Variants in HDHD2 observed in about 807,000 individuals in gnomAD.
HDHD2 encodes haloacid dehalogenase like hydrolase domain containing 2.
A neutral mutation model predicts 24.8 loss-of-function variants in HDHD2; 26 were observed. The observed-to-expected ratio is 1.05, with a 90% CI of 0.77 to 1.45. The LOEUF is 1.45. HDHD2 is among the 40% of genes most tolerant of loss of function. The probability of loss-of-function intolerance (pLI) is 0.00; values close to 1 mark genes in which losing one functional copy is unlikely to be tolerated. For missense variants in HDHD2, 299 were observed against 313.4 expected (o/e 0.95, Z 0.35); for synonymous variants, 128 against 114.9 (o/e 1.11, Z -0.73).
Position 47,150,497 on chromosome 18 carries a change from A to G in HDHD2, c.-130T>C, listed in dbSNP as rs1192313652. The G allele has an allele frequency of 6.6e-6, 1 of 152,236 alleles. No homozygotes were observed. The highest frequency in any genetic ancestry group is 2.4e-5 in the African/African-American group (1 of 41,460). 9.4% of individuals were successfully genotyped at this position (152,236 alleles called of 1,614,324 possible). A position where few individuals can be genotyped will look rare whatever the true frequency, so the allele number is the denominator to read the frequency against. ...CCGCTGCTGCCCGACGGACGCCGGA[A>G]GTTGGGCCCTGGCCGCGCCGGAAGC... is the stretch of plus-strand genomic sequence containing the variant. On this transcript the variant is annotated 5_prime_UTR_variant, in exon 1 of 7. Coordinates refer to ENST00000300605, the MANE Select transcript of HDHD2 (RefSeq NM_032124.5).
chr18:47,115,042 G>T, intron 5 of HDHD2, 90 bp downstream of exon 5: 1 of 866,626 alleles, frequency 1.2e-6, no homozygotes, highest in Non-Finnish European at 1.9e-6. Flanking sequence ...GTCAGTAACA[G>T]AATGTCCCCT....
At chr18:47,149,760 C>A (rs2063911118) in intron 1 of HDHD2, among the ~76,000 whole-genome samples, 1 of 152,182 alleles carries the variant, frequency 6.6e-6, no homozygotes, top group Admixed American at 6.5e-5. Flanking sequence ...CTAGGAGCCA[C>A]CTGTGGTCCT....
intron 4 of HDHD2, among the ~76,000 whole-genome samples, chr18:47,129,407 A>G (rs1202911831): frequency 6.6e-6 from 1 of 152,036 alleles, no homozygotes; most frequent in Non-Finnish European, 1.5e-5. Flanking sequence ...TGAATATCCC[A>G]TAGACCAAAC....
intron 3 of HDHD2, among the ~76,000 whole-genome samples, chr18:47,131,516 T>A (rs564950217): frequency 6.6e-6 from 1 of 152,208 alleles, no homozygotes; most frequent in African/African-American, 2.4e-5. Context: ...GAATTGACAG[T>A]AGATACCACA....
Position 47,115,180 on chromosome 18 carries a change from T to C in HDHD2, c.564A>G (p.Ala188=), listed in dbSNP as rs1347779043. Residue 188 remains alanine (A), a synonymous_variant, in exon 5 of 7, where the codon GCA becomes GCG. Transcript: ENST00000300605. ...GKPEKTFFLE[A]LRGTGCEPEE... ...CAGGTTCACAGCCAGTGCCCCGCAA[T>C]GCTTCCAAAAAGAACGTCTTCTCTG... is the stretch of plus-strand genomic sequence containing the variant. 2 of 1,613,788 alleles carry C rather than the reference T, an allele frequency of 1.2e-6. No individual in the cohort carries two copies. The highest frequency in any genetic ancestry group is 1.3e-5 in the African/African-American group (1 of 74,906).
intron 1 of HDHD2, among the ~76,000 whole-genome samples, chr18:47,143,289 T>TA (rs1466115799): frequency 6.6e-5 from 10 of 151,990 alleles, no homozygotes; most frequent in African/African-American, 2.4e-4. Flanking sequence ...CCCATCTCTA[T>TA]AAAAAATAAA....
Position 47,132,382 on chromosome 18 carries a change from T to C in HDHD2, c.311-2054A>G, listed in dbSNP as rs568558072. Among the ~76,000 whole-genome samples, 4 of 152,340 alleles carry C rather than the reference T, an allele frequency of 2.6e-5. No homozygotes were observed. In the East Asian group the frequency reaches 7.7e-4, roughly 29 times the overall value. Reference sequence around the variant, plus strand: ...TGGGTTGTTTCCAATCTTTCGTTATTACAAATAAGGTAGTAATGAATAACC... The same window carrying C: ...TGGGTTGTTTCCAATCTTTCGTTATCACAAATAAGGTAGTAATGAATAACC... On this transcript the variant is annotated intron_variant, in intron 3 of 6. Coordinates refer to ENST00000300605, the MANE Select transcript of HDHD2 (RefSeq NM_032124.5).
intron 3 of HDHD2, among the ~76,000 whole-genome samples, chr18:47,133,917 T>C (rs1175134715): frequency 6.6e-6 from 1 of 152,222 alleles, no homozygotes; most frequent in Non-Finnish European, 1.5e-5. Flanking sequence ...TTTCTCCCAT[T>C]CTGTAGGTTG....
In HDHD2 at chr18:47,108,322, A is replaced by C; in HGVS notation, c.*360T>G. ...TAAAAACCACCATTCAACTTTCTTC[A>C]CAGTCTGAAATCCCCCCTCCCTGTT... On this transcript the variant is annotated 3_prime_UTR_variant, in exon 7 of 7. Coordinates refer to ENST00000300605, the MANE Select transcript of HDHD2 (RefSeq NM_032124.5). The C allele has an allele frequency of 5.5e-6, 1 of 182,504 alleles. No homozygotes were observed. The highest frequency in any genetic ancestry group is 1.1e-5 in the Non-Finnish European group (1 of 88,612). The allele number at this position is 182,504 out of a possible 1,614,324, so 11.3% of individuals were successfully genotyped here. A position where few individuals can be genotyped will look rare whatever the true frequency, so the allele number is the denominator to read the frequency against.
intron 3 of HDHD2, among the ~76,000 whole-genome samples, chr18:47,134,190 A>C (rs1437743244): frequency 2.6e-5 from 4 of 152,208 alleles, no homozygotes; most frequent in Non-Finnish European, 5.9e-5. Flanking sequence ...ACAGCATCAT[A>C]ATCAAACAAT....
chr18:47,119,037 A>C (rs2063580975), intron 4 of HDHD2, among the ~76,000 whole-genome samples: 1 of 152,262 alleles, frequency 6.6e-6, no homozygotes, highest in Admixed American at 6.5e-5. Flanking sequence ...TCTAAAAAAA[A>C]GTATGTGTGT....
rs73954232 is a variant in HDHD2, at chr18:47,107,729, G to C, written c.*953C>G. 117 of 152,652 alleles carry C rather than the reference G, an allele frequency of 7.7e-4. No homozygotes were observed. Among genetic ancestry groups the C allele is most frequent in the African/African-American group, 2.7e-3 (111 of 41,530 alleles). The allele number at this position is 152,652 out of a possible 1,614,324, so 9.5% of individuals were successfully genotyped here. ...CATTTTACAGCTGTAGTAACCAAGT[G>C]CATAAAAGCTTGAATCTGTCCCAAT... is the stretch of plus-strand genomic sequence containing the variant. On this transcript the variant is annotated 3_prime_UTR_variant, in exon 7 of 7. Coordinates refer to ENST00000300605, the MANE Select transcript of HDHD2 (RefSeq NM_032124.5).
chr18:47,122,420 T>A (rs754097160), intron 4 of HDHD2, among the ~76,000 whole-genome samples: 2 of 152,096 alleles, frequency 1.3e-5, no homozygotes, highest in Non-Finnish European at 2.9e-5. Flanking sequence ...CCTCTACCCA[T>A]CATGTGCCAG....
At chr18:47,149,917 C>T (rs1025230231) in intron 1 of HDHD2, 2 of 152,554 alleles carry the variant, frequency 1.3e-5, no homozygotes, top group Admixed American at 1.3e-4. Context: ...TCCCGGTGTC[C>T]ACAGCTGGAA....
chr18:47,139,918 T>A (rs1235044464), intron 1 of HDHD2, among the ~76,000 whole-genome samples: 1 of 152,188 alleles, frequency 6.6e-6, no homozygotes, highest in Non-Finnish European at 1.5e-5. Flanking sequence ...CAAAATGAAA[T>A]TCCATGTATC....
intron 1 of HDHD2, among the ~76,000 whole-genome samples, chr18:47,137,937 C>G (rs183860877): frequency 6.6e-6 from 1 of 151,072 alleles, no homozygotes; most frequent in Non-Finnish European, 1.5e-5. Context: ...AAGGCCGACG[C>G]GGGCGGATCA....
At chr18:47,149,922 C>G (rs1447296719) in intron 1 of HDHD2, 1 of 152,546 alleles carries the variant, frequency 6.6e-6, no homozygotes, top group Non-Finnish European at 1.5e-5. Context: ...GTGTCCACAG[C>G]TGGAAGGCCC....
At chr18:47,120,600 C>CAAGAACTTTCCTTT (rs1222562985) in intron 4 of HDHD2, among the ~76,000 whole-genome samples, 1 of 152,180 alleles carries the variant, frequency 6.6e-6, no homozygotes. Context: ...TAATTTCCTT[C>CAAGAACTTTCCTTT]AAGAACTTTC....
chr18:47,145,953 C>G (rs1294228415), intron 1 of HDHD2, among the ~76,000 whole-genome samples: 1 of 151,980 alleles, frequency 6.6e-6, no homozygotes, highest in African/African-American at 2.4e-5. Context: ...CAAATCTGGC[C>G]GGGCACAGTG....
Sources: gnomAD v4.1 joint callset for allele counts (sites outside exome capture counted in the v4.1 genomes callset) on GRCh38, gnomAD v4.1.1 for gene constraint, MANE v1.5 for transcripts, NCBI Gene and HGNC (gene_info 2026-07-23, HGNC 2026-07-21) for gene names.